The following SGCD variants were observed in gnomAD, a reference collection of about 807,000 sequenced individuals.
SGCD encodes delta-sarcoglycan.
A neutral mutation model predicts 36.6 loss-of-function variants in SGCD; 18 were observed. The observed-to-expected ratio is 0.49, with a 90% CI of 0.34 to 0.73. SGCD has a LOEUF of 0.73. Among genes scored for constraint, SGCD ranks in the 30% least tolerant of loss-of-function variants. The pLI is 0.01. For synonymous variants in SGCD, 133 were observed against 130.6 expected (o/e 1.02, Z -0.12); for missense variants, 387 against 346.7 (o/e 1.12, Z -0.92).
At chr5:156,753,018 A>G (rs921625984) in intron 7 of SGCD, among the ~76,000 whole-genome samples, 58 of 152,182 alleles carry the variant, frequency 3.8e-4, no homozygotes, top group African/African-American at 1.3e-3. Context: ...CCCTTGGACT[A>G]GAGCCGTGCT....
At chr5:156,466,359 C>T (rs1449868168) in intron 3 of SGCD, among the ~76,000 whole-genome samples, 1 of 152,174 alleles carries the variant, frequency 6.6e-6, no homozygotes, top group African/African-American at 2.4e-5. Flanking sequence ...ATTTTCAAAA[C>T]ATGTTACAAA....
the SGCD span, among the ~76,000 whole-genome samples, chr5:155,768,963 G>C: frequency 3.0e-4 from 45 of 152,220 alleles, no homozygotes; most frequent in African/African-American, 9.9e-4. Flanking sequence ...ATGTATTCAA[G>C]GATGTTCATT....
intron 7 of SGCD, among the ~76,000 whole-genome samples, chr5:156,748,888 TG>T (rs551282602): frequency 4.6e-4 from 70 of 152,098 alleles, no homozygotes; most frequent in Non-Finnish European, 7.8e-4. Context: ...CTTTTCCCTC[TG>T]GGGTAGCTGG....
intron 3 of SGCD, among the ~76,000 whole-genome samples, chr5:156,492,709 A>C (rs569699116): frequency 6.6e-6 from 1 of 152,020 alleles, no homozygotes; most frequent in Admixed American, 6.6e-5. Flanking sequence ...CGCTATATCT[A>C]TCCTAGCCCC....
At chr5:155,959,278 C>G (rs1335005978) in intron 1 of SGCD, among the ~76,000 whole-genome samples, 1 of 152,114 alleles carries the variant, frequency 6.6e-6, no homozygotes, top group Non-Finnish European at 1.5e-5. Flanking sequence ...TATTTATAAC[C>G]CAGGCCCTGA....
At chr5:156,635,775 T>C (rs1445076767) in intron 6 of SGCD, among the ~76,000 whole-genome samples, 1 of 151,260 alleles carries the variant, frequency 6.6e-6, no homozygotes, top group Non-Finnish European at 1.5e-5. Flanking sequence ...CTCAGCAAAC[T>C]ATCACAAGGA....
At chr5:156,060,837 T>C (rs1270124175) in intron 1 of SGCD, among the ~76,000 whole-genome samples, 1 of 146,140 alleles carries the variant, frequency 6.8e-6, no homozygotes, top group Admixed American at 6.8e-5. Context: ...ATTAAATGCA[T>C]TTAATTGAAG....
chr5:156,706,705 C>T, intron 7 of SGCD, among the ~76,000 whole-genome samples: 1 of 152,136 alleles, frequency 6.6e-6, no homozygotes, highest in East Asian at 1.9e-4. Context: ...TAGTCTGCTC[C>T]TCCCTGCACT....
chr5:156,269,251 C>T (rs935784858), intron 3 of SGCD, among the ~76,000 whole-genome samples: 9 of 151,846 alleles, frequency 5.9e-5, no homozygotes, highest in South Asian at 4.2e-4. Context: ...AGGCAGATCA[C>T]GAGGTCAGGA....
At chr5:155,786,486 G>A in the SGCD span, among the ~76,000 whole-genome samples, 1 of 151,992 alleles carries the variant, frequency 6.6e-6, no homozygotes, top group African/African-American at 2.4e-5. Flanking sequence ...GAGATTAATC[G>A]GGGTATTTAA....
the SGCD span, among the ~76,000 whole-genome samples, chr5:155,754,267 C>A: frequency 1.3e-5 from 2 of 152,068 alleles, no homozygotes; most frequent in Non-Finnish European, 2.9e-5. Context: ...ATTGTGTAAA[C>A]GAAATGAGAT....
At chr5:156,201,199 T>C (rs909513489) in intron 3 of SGCD, among the ~76,000 whole-genome samples, 1 of 152,162 alleles carries the variant, frequency 6.6e-6, no homozygotes, top group African/African-American at 2.4e-5. Flanking sequence ...GCTACTGAAC[T>C]GTGTACATAA....
intron 1 of SGCD, among the ~76,000 whole-genome samples, chr5:156,075,553 T>C (rs1395586236): frequency 6.6e-6 from 1 of 152,186 alleles, no homozygotes; most frequent in Non-Finnish European, 1.5e-5. Context: ...GGAATCAATC[T>C]GTATAAAGGT....
intron 1 of SGCD, among the ~76,000 whole-genome samples, chr5:156,012,041 G>T (rs1042620094): frequency 7.2e-5 from 11 of 152,196 alleles, no homozygotes; most frequent in Non-Finnish European, 1.3e-4. Context: ...GAATTTAAGG[G>T]AGGAGAGATA....
the SGCD span, among the ~76,000 whole-genome samples, chr5:155,839,961 G>T: frequency 6.6e-6 from 1 of 151,190 alleles, no homozygotes; most frequent in Non-Finnish European, 1.5e-5. Flanking sequence ...TAAATCCCTG[G>T]TTAAAAAACC....
chr5:156,416,662 G>A (rs562138690), intron 3 of SGCD, among the ~76,000 whole-genome samples: 3 of 152,324 alleles, frequency 2.0e-5, no homozygotes, highest in African/African-American at 7.2e-5. Context: ...CTAACTTGCT[G>A]TGTCACCTTG....
chr5:156,563,930 T>A (rs1759373426), intron 4 of SGCD, among the ~76,000 whole-genome samples: 1 of 152,260 alleles, frequency 6.6e-6, no homozygotes, highest in African/African-American at 2.4e-5. Context: ...CTCAAGTTCT[T>A]CAGACTAAAT....
At chr5:156,225,786 A>G (rs1764838729) in intron 3 of SGCD, among the ~76,000 whole-genome samples, 1 of 152,136 alleles carries the variant, frequency 6.6e-6, no homozygotes, top group Non-Finnish European at 1.5e-5. Context: ...TTAGACTCAA[A>G]AGCAGAAAGA....
At chr5:156,180,370 G>A (rs946659731) in intron 3 of SGCD, among the ~76,000 whole-genome samples, 1 of 150,846 alleles carries the variant, frequency 6.6e-6, no homozygotes, top group African/African-American at 2.4e-5. Context: ...GTACAATAAA[G>A]CAATAAATTA....
Sources: gnomAD v4.1 joint callset for allele counts (sites outside exome capture counted in the v4.1 genomes callset) on GRCh38, gnomAD v4.1.1 for gene constraint, MANE v1.5 for transcripts, NCBI Gene and HGNC (gene_info 2026-07-23, HGNC 2026-07-21) for gene names.